Variants in SPATA17 observed in about 807,000 individuals in gnomAD.
SPATA17 encodes spermatogenesis associated 17.
In SPATA17, 53 loss-of-function variants were observed where a neutral mutation model predicts 62.2. That is an observed-to-expected ratio of 0.85 (90% CI 0.68 to 1.07). SPATA17 has a LOEUF of 1.07. Among genes scored for constraint, SPATA17 ranks in the 50% least tolerant of loss-of-function variants. The pLI, the probability that SPATA17 is intolerant of heterozygous loss-of-function variation, is 0.00. For synonymous variants in SPATA17, 146 were observed against 146.8 expected, an observed-to-expected ratio of 0.99 and a Z score of 0.04; for missense variants, 466 against 425.5, an observed-to-expected ratio of 1.10 and a Z score of -0.84.
At chr1:217,786,750 TTTCTTCTTCTTCTTCTTCTTC>T (rs35648538) in intron 8 of SPATA17, among the ~76,000 whole-genome samples, 13 of 107,550 alleles carry the variant, frequency 1.2e-4, no homozygotes, top group East Asian at 3.3e-4. Context: ...TGATATTCTC[TTTCTTCTTCTTCTTCTTCTTC>T]TTCTTCTTCT....
intron 7 of SPATA17, chr1:217,781,240 C>T (rs907021940): frequency 1.3e-5 from 2 of 152,174 alleles, no homozygotes; most frequent in Non-Finnish European, 2.9e-5. Flanking sequence ...ACAGTCTTCA[C>T]TCAGTGCTTG....
At chr1:217,752,763 G>A (rs1182136855) in intron 6 of SPATA17, among the ~76,000 whole-genome samples, 1 of 152,022 alleles carries the variant, frequency 6.6e-6, no homozygotes, top group Non-Finnish European at 1.5e-5. Context: ...TTTAAACCTC[G>A]CTTCTCCCCC....
Position 217,871,231 on chromosome 1 carries a change from C to G in SPATA17, c.*4212C>G, listed in dbSNP as rs1485670654. The G allele has an allele frequency of 6.6e-6, 1 of 152,090 alleles. No homozygotes were observed. Among genetic ancestry groups the G allele is most frequent in the Non-Finnish European group, 1.5e-5 (1 of 68,008 alleles). The allele number at this position is 152,090 out of a possible 1,614,324, so 9.4% of individuals were successfully genotyped here. A position where few individuals can be genotyped will look rare whatever the true frequency, so the allele number is the denominator to read the frequency against. ...TTATGCAATGTATTGTTGTGGTTGTCAACTCAAGATTGTATTCTCATCTGG... is the reference window on the plus strand; with the variant it reads ...TTATGCAATGTATTGTTGTGGTTGTGAACTCAAGATTGTATTCTCATCTGG... On this transcript the variant is annotated 3_prime_UTR_variant, in exon 11 of 11. Coordinates refer to ENST00000366933, the MANE Select transcript of SPATA17 (RefSeq NM_138796.4).
intron 9 of SPATA17, among the ~76,000 whole-genome samples, chr1:217,855,831 A>T (rs901758336): frequency 6.7e-6 from 1 of 149,068 alleles, no homozygotes; most frequent in African/African-American, 2.5e-5. Context: ...GGTTCAAGCT[A>T]TTCTCCTGCC....
At chr1:217,769,147 T>C (rs568641485) in intron 6 of SPATA17, among the ~76,000 whole-genome samples, 196 of 152,338 alleles carry the variant, frequency 1.3e-3, no homozygotes, top group Middle Eastern at 3.4e-3. Context: ...ATATACATTT[T>C]AGTTAACTAG....
chr1:217,805,007 A>C (rs1403699991), intron 9 of SPATA17, among the ~76,000 whole-genome samples: 1 of 152,234 alleles, frequency 6.6e-6, no homozygotes, highest in Non-Finnish European at 1.5e-5. Context: ...GAACTACTGT[A>C]AAATCCAGCA....
At chr1:217,828,955 G>C (rs1450731489) in intron 9 of SPATA17, among the ~76,000 whole-genome samples, 1 of 152,072 alleles carries the variant, frequency 6.6e-6, no homozygotes, top group Admixed American at 6.6e-5. Flanking sequence ...ATGTTGGTGA[G>C]GGTGTAGAGA....
At chr1:217,833,456 C>A (rs1675192964) in intron 9 of SPATA17, among the ~76,000 whole-genome samples, 2 of 152,180 alleles carry the variant, frequency 1.3e-5, no homozygotes, top group Non-Finnish European at 2.9e-5. Flanking sequence ...ATTACGAGTG[C>A]ATGCCTATGG....
intron 6 of SPATA17, among the ~76,000 whole-genome samples, chr1:217,746,742 G>A (rs1409918081): frequency 6.6e-6 from 1 of 151,744 alleles, no homozygotes; most frequent in African/African-American, 2.4e-5. Flanking sequence ...CTTTATTCAA[G>A]CAAATATGTT....
intron 5 of SPATA17, among the ~76,000 whole-genome samples, chr1:217,705,884 T>C (rs1216525121): frequency 2.0e-5 from 3 of 152,226 alleles, no homozygotes; most frequent in Non-Finnish European, 4.4e-5. Context: ...CTTTAATCCA[T>C]CTTGAGTTGA....
chr1:217,793,560 G>A (rs982224675), intron 8 of SPATA17, among the ~76,000 whole-genome samples: 4 of 152,016 alleles, frequency 2.6e-5, no homozygotes, highest in Non-Finnish European at 5.9e-5. Flanking sequence ...ATCACCTTGA[G>A]GTTTAAAAAT....
intron 6 of SPATA17, among the ~76,000 whole-genome samples, chr1:217,742,664 C>T (rs1223541165): frequency 1.3e-5 from 2 of 151,980 alleles, no homozygotes; most frequent in African/African-American, 4.8e-5. Flanking sequence ...GGATTTTGTC[C>T]TGGTTACTAG....
chr1:217,779,970 A>C (rs1673695539), intron 7 of SPATA17, among the ~76,000 whole-genome samples: 1 of 152,168 alleles, frequency 6.6e-6, no homozygotes, highest in Non-Finnish European at 1.5e-5. Context: ...CTAAACATTA[A>C]AAAACCATAG....
At chr1:217,718,264 A>G (rs1169286423) in intron 5 of SPATA17, among the ~76,000 whole-genome samples, 3 of 152,176 alleles carry the variant, frequency 2.0e-5, no homozygotes, top group Non-Finnish European at 4.4e-5. Flanking sequence ...ATACCTGACT[A>G]ACTGAGAAAG....
At chr1:217,814,430 G>T (rs531193554) in intron 9 of SPATA17, among the ~76,000 whole-genome samples, 1 of 152,266 alleles carries the variant, frequency 6.6e-6, no homozygotes, top group Non-Finnish European at 1.5e-5. Flanking sequence ...GCTGTACACT[G>T]TGGTGGAGGA....
At chr1:217,645,976 A>T (rs1412602737) in intron 1 of SPATA17, among the ~76,000 whole-genome samples, 8 of 151,956 alleles carry the variant, frequency 5.3e-5, no homozygotes, top group Admixed American at 5.2e-4. Context: ...CCTTTTTTTT[A>T]AATAATTGTT....
At chr1:217,744,617 C>T (rs554171088) in intron 6 of SPATA17, among the ~76,000 whole-genome samples, 10 of 152,034 alleles carry the variant, frequency 6.6e-5, no homozygotes, top group Admixed American at 2.0e-4. Flanking sequence ...TTCTTTATAC[C>T]ATATAAGCTG....
intron 9 of SPATA17, among the ~76,000 whole-genome samples, chr1:217,823,450 T>C (rs764114500): frequency 2.0e-5 from 3 of 151,680 alleles, no homozygotes; most frequent in African/African-American, 4.8e-5. Flanking sequence ...TTCACTCTGC[T>C]CTAGTTCTAA....
chr1:217,667,263 G>A (rs762822601), intron 3 of SPATA17, among the ~76,000 whole-genome samples: 1 of 151,820 alleles, frequency 6.6e-6, no homozygotes, highest in African/African-American at 2.4e-5. Flanking sequence ...TGGCCAGGCT[G>A]GTCTCGAACT....
Sources: gnomAD v4.1 joint callset for allele counts (sites outside exome capture counted in the v4.1 genomes callset) on GRCh38, gnomAD v4.1.1 for gene constraint, MANE v1.5 for transcripts, NCBI Gene and HGNC (gene_info 2026-07-23, HGNC 2026-07-21) for gene names.